Variants in MKLN1 observed in about 807,000 individuals in gnomAD.
MKLN1 encodes the protein muskelin.
MKLN1 carries 18 observed loss-of-function variants against 99.0 expected under a neutral mutation model. The observed-to-expected ratio is 0.18, with a 90% CI of 0.13 to 0.27. The LOEUF is 0.27. Among genes scored for constraint, MKLN1 ranks in the 10% least tolerant of loss-of-function variants. MKLN1 has a pLI of 1.00. For missense variants in MKLN1, 621 were observed against 875.9 expected, an observed-to-expected ratio of 0.71 and a Z score of 3.67; for synonymous variants, 288 against 293.2, an observed-to-expected ratio of 0.98 and a Z score of 0.18.
At chr7:131,299,249 A>G (rs1336543009) in intron 3 of MKLN1, among the ~76,000 whole-genome samples, 1 of 152,202 alleles carries the variant, frequency 6.6e-6, no homozygotes, top group Non-Finnish European at 1.5e-5. Context: ...TGAATATTCA[A>G]TTCAGGGTGT....
intron 3 of MKLN1, among the ~76,000 whole-genome samples, chr7:131,227,796 C>A (rs1797179568): frequency 1.3e-5 from 2 of 152,082 alleles, no homozygotes; most frequent in Admixed American, 6.6e-5. Flanking sequence ...GAACTCCTGG[C>A]CTCAAGGAAT....
chr7:131,399,560 A>G, intron 6 of MKLN1, 127 bp downstream of exon 6: 4 of 734,706 alleles, frequency 5.4e-6, no homozygotes, highest in Non-Finnish European at 2.2e-6. Context: ...TCGGTTAAAG[A>G]TTGTTATCTC....
intron 12 of MKLN1, among the ~76,000 whole-genome samples, chr7:131,461,785 ATTATG>A (rs1201167004): frequency 2.0e-5 from 3 of 152,322 alleles, no homozygotes; most frequent in African/African-American, 7.2e-5. Context: ...GATCATGACA[ATTATG>A]TTGTGAAGTA....
At chr7:131,302,816 G>T (rs1165995124) in intron 3 of MKLN1, among the ~76,000 whole-genome samples, 1 of 152,184 alleles carries the variant, frequency 6.6e-6, no homozygotes, top group African/African-American at 2.4e-5. Context: ...TATAATTTAA[G>T]AATTAGCAGG....
intron 2 of MKLN1, among the ~76,000 whole-genome samples, chr7:131,183,577 G>A (rs1014914836): frequency 3.3e-5 from 5 of 152,136 alleles, no homozygotes; most frequent in South Asian, 2.1e-4. Flanking sequence ...GTGTTAAACC[G>A]TATGAAACAG....
In MKLN1 at chr7:131,121,400, A is replaced by G. The variant is rs182679998; in HGVS notation, c.-419+11193A>G. ...CGTTTGTACAGCCAGCAGAACCAAG[A>G]ACCAACTAAATTCCTTTTCTTTAAA... On this transcript the variant is annotated intron_variant, in intron 1 of 7. Transcript: ENST00000416992. 3.3e-5 allele frequency among the ~76,000 whole-genome samples: 5 copies of G among 152,198 alleles called. No individual in the cohort carries two copies. The East Asian group carries it at 9.6e-4, about 29-fold the overall frequency.
At chr7:131,152,164 A>G (rs937715582) in intron 2 of MKLN1, among the ~76,000 whole-genome samples, 3 of 152,112 alleles carry the variant, frequency 2.0e-5, no homozygotes, top group Admixed American at 1.3e-4. Context: ...CTCTACAAAA[A>G]ATTAAAAAAT....
chr7:131,221,407 G>T (rs1332193154), intron 3 of MKLN1, among the ~76,000 whole-genome samples: 1 of 152,144 alleles, frequency 6.6e-6, no homozygotes, highest in African/African-American at 2.4e-5. Flanking sequence ...TATGCTGAGA[G>T]GGTAAGTGCA....
intron 2 of MKLN1, among the ~76,000 whole-genome samples, chr7:131,153,755 T>G (rs902719050): frequency 6.7e-6 from 1 of 148,378 alleles, no homozygotes; most frequent in Non-Finnish European, 1.5e-5. Context: ...CTCCGCCTCC[T>G]GGGTTCAAGT....
intron 3 of MKLN1, among the ~76,000 whole-genome samples, chr7:131,224,748 C>A (rs1190416965): frequency 6.6e-6 from 1 of 151,464 alleles, no homozygotes; most frequent in African/African-American, 2.4e-5. Flanking sequence ...AAGGAGTGAA[C>A]ATCTCAGGTT....
chr7:131,173,766 C>T (rs1442142406), intron 2 of MKLN1, among the ~76,000 whole-genome samples: 1 of 151,988 alleles, frequency 6.6e-6, no homozygotes, highest in Admixed American at 6.6e-5. Context: ...TCAGCTGACT[C>T]GGTGCTGCTC....
intron 3 of MKLN1, among the ~76,000 whole-genome samples, chr7:131,214,894 A>G (rs1796957246): frequency 6.6e-6 from 1 of 152,254 alleles, no homozygotes; most frequent in Admixed American, 6.5e-5. Flanking sequence ...TGTTTTCCAT[A>G]AGAATATTTT....
At chr7:131,231,543 C>G (rs1437504671) in intron 3 of MKLN1, among the ~76,000 whole-genome samples, 1 of 152,146 alleles carries the variant, frequency 6.6e-6, no homozygotes, top group African/African-American at 2.4e-5. Flanking sequence ...GGCCAGGAAA[C>G]AGCTGGAGTG....
At position 131,493,887 on chromosome 7, in the gene MKLN1, ATTAAT is replaced by A. The variant is rs1395191382; in HGVS notation, c.*6161_*6165del. The A allele has an allele frequency of 1.3e-5, 2 of 152,192 alleles. No homozygotes were observed. Among genetic ancestry groups the A allele is most frequent in the Non-Finnish European group, 2.9e-5 (2 of 68,032 alleles). 9.4% of individuals were successfully genotyped at this position (152,192 alleles called of 1,614,324 possible). On this transcript the variant is annotated 3_prime_UTR_variant, in exon 18 of 18. Transcript: ENST00000352689. Reference sequence around the variant, plus strand: ...TCATTCATTACTTAATGAATGCCAAATTAATTGGCAGGAAGAAGAAACACTGTGTG... The same window carrying A: ...TCATTCATTACTTAATGAATGCCAAATGGCAGGAAGAAGAAACACTGTGTG...
At chr7:131,397,077 T>G (rs1368370994) in intron 4 of MKLN1, among the ~76,000 whole-genome samples, 190 bp from the exon 5 acceptor site, 1 of 152,226 alleles carries the variant, frequency 6.6e-6, no homozygotes, top group African/African-American at 2.4e-5. Context: ...ACTAAGGAAA[T>G]CTTATGGTGG....
At chr7:131,342,741 T>C (rs1799444539) in intron 1 of MKLN1, among the ~76,000 whole-genome samples, 1 of 152,192 alleles carries the variant, frequency 6.6e-6, no homozygotes, top group African/African-American at 2.4e-5. Flanking sequence ...AATTCATACA[T>C]CTAGGTCTGA....
intron 1 of MKLN1, among the ~76,000 whole-genome samples, chr7:131,374,630 A>T (rs1793582710): frequency 6.6e-6 from 1 of 152,142 alleles, no homozygotes; most frequent in Non-Finnish European, 1.5e-5. Context: ...AGCAGTGTTT[A>T]TGTATATAGC....
intron 1 of MKLN1, among the ~76,000 whole-genome samples, chr7:131,139,113 C>G (rs1043085484): frequency 6.6e-6 from 1 of 152,098 alleles, no homozygotes. Flanking sequence ...TATCTTCTTC[C>G]TGGAATACAG....
intron 1 of MKLN1, among the ~76,000 whole-genome samples, chr7:131,116,753 C>A (rs1795283960): frequency 6.6e-6 from 1 of 151,692 alleles, no homozygotes; most frequent in Non-Finnish European, 1.5e-5. Flanking sequence ...CAAAGAAATA[C>A]AATGGATCTT....
Sources: gnomAD v4.1 joint callset for allele counts (sites outside exome capture counted in the v4.1 genomes callset) on GRCh38, gnomAD v4.1.1 for gene constraint, MANE v1.5 for transcripts, NCBI Gene and HGNC (gene_info 2026-07-23, HGNC 2026-07-21) for gene names.